Variants in KANSL1L observed in about 807,000 individuals in gnomAD.
KANSL1L encodes KAT8 regulatory NSL complex subunit 1-like protein.
Under a neutral mutation model 108.6 loss-of-function variants are expected in KANSL1L, and 25 were observed. That is an observed-to-expected ratio of 0.23 (90% CI 0.17 to 0.32). KANSL1L has a LOEUF of 0.32. KANSL1L is among the 10% of genes least tolerant of loss of function. KANSL1L has a pLI of 1.00. For synonymous variants in KANSL1L, 405 were observed against 395.1 expected, an observed-to-expected ratio of 1.03 and a Z score of -0.30; for missense variants, 1,137 against 1,125.7, an observed-to-expected ratio of 1.01 and a Z score of -0.14.
At chr2:210,098,044 C>A in intron 5 of KANSL1L, 42 bp downstream of exon 5, 4 of 1,520,352 alleles carry the variant, frequency 2.6e-6, no homozygotes, top group South Asian at 1.3e-5. Context: ...ATAAAATAGG[C>A]AAAGTTGAAT....
In KANSL1L at chr2:210,109,703, T is replaced by A. The variant is rs2094885737; in HGVS notation, c.1231-5402A>T. On this transcript the variant is annotated intron_variant, in intron 3 of 14. Coordinates refer to ENST00000281772, the MANE Select transcript of KANSL1L (RefSeq NM_152519.4). ...TGTATGGCTTAATTAGGCCCTAATT[T>A]GTGCTTCCTATTAAAGGGTTCTTTC... Among the ~76,000 whole-genome samples, 3 of 152,098 alleles carry A rather than the reference T, an allele frequency of 2.0e-5. No individual in the cohort carries two copies. The South Asian group carries it at 6.2e-4, about 32-fold the overall frequency.
chr2:210,067,599 A>C (rs1227673443), intron 6 of KANSL1L, among the ~76,000 whole-genome samples: 1 of 150,892 alleles, frequency 6.6e-6, no homozygotes, highest in African/African-American at 2.4e-5. Flanking sequence ...GCTACTCCGG[A>C]GGCTGAGGTG....
chr2:210,098,175 C>G lies in KANSL1L; in HGVS notation c.1461G>C (p.Leu487Phe), dbSNP rs866356128. The change falls in exon 5 of 15, where the codon TTG (leucine) becomes TTC (phenylalanine). Residue 487 changes from leucine to phenylalanine, a missense_variant. This residue lies in a region of KANSL1L where 575 missense variants were observed against 567.1 expected (regional missense o/e 1.01). Transcript: ENST00000281772. ...SAQLTEIINS[L>F]IAPLNLSPTS... ...TTGGGGACAAGTTGAGAGGGGCAAT[C>G]AAACTGTTGATGATCTCAGTCAACT... 4 of 1,612,342 alleles carry G rather than the reference C, an allele frequency of 2.5e-6. 1 individual carries two copies. In the Middle Eastern group the frequency reaches 6.6e-4, roughly 267 times the overall value.
chr2:210,063,720 A>G (rs992952231), intron 6 of KANSL1L: 1 of 151,732 alleles, frequency 6.6e-6, no homozygotes, highest in Admixed American at 6.6e-5. Flanking sequence ...GAATGGCCAT[A>G]TTTACCCAAT....
At chr2:210,142,182 T>G (rs1014052441) in intron 2 of KANSL1L, among the ~76,000 whole-genome samples, 1 of 151,998 alleles carries the variant, frequency 6.6e-6, no homozygotes, top group Admixed American at 6.6e-5. Flanking sequence ...TTAATCTCTT[T>G]ACTTGCTATT....
chr2:210,055,508 C>T (rs1279724783), intron 6 of KANSL1L, among the ~76,000 whole-genome samples: 1 of 152,156 alleles, frequency 6.6e-6, no homozygotes, highest in East Asian at 1.9e-4. Context: ...TTCCTAGAGG[C>T]TTGGAGGCTC....
chr2:210,027,317 T>G lies in KANSL1L; in HGVS notation c.2430A>C (p.Glu810Asp), dbSNP rs200071643. Residue 810 changes from glutamate to aspartate, a missense_variant, in exon 12 of 15, where the codon GAA becomes GAC. This residue lies in a region of KANSL1L where 575 missense variants were observed against 567.1 expected (regional missense o/e 1.01). Transcript: ENST00000281772. ...TTACCTCTTCTTTGCCTAAATTATA[T>G]TCATCCAAAGGCTGAAGAACAACCA... ...WRMVVLQPLD[E>D]YNLGKEEIED... 64 of 1,612,464 alleles carry G rather than the reference T, an allele frequency of 4.0e-5. No homozygotes were observed. In the East Asian group the frequency reaches 1.0e-3, roughly 26 times the overall value.
intron 4 of KANSL1L, among the ~76,000 whole-genome samples, chr2:210,100,687 A>G (rs985805299): frequency 8.5e-5 from 13 of 152,190 alleles, no homozygotes; most frequent in Admixed American, 2.0e-4. Flanking sequence ...CATCCAGGCT[A>G]GAGTGCAGTG....
At position 210,119,183 on chromosome 2, in the gene KANSL1L, G is replaced by A. The variant is rs201991692; in HGVS notation, c.1230+9848C>T. 2.2e-4 allele frequency among the ~76,000 whole-genome samples: 32 copies of A among 145,896 alleles called. No individual in the cohort carries two copies. The East Asian group carries it at 5.6e-3, about 26-fold the overall frequency. ...TGGTGACAGAGCGAGGCTCCGTCTC[G>A]AAAAAAAAGAAAAAAAAGAAAAAAA... On this transcript the variant is annotated intron_variant, in intron 3 of 14. Coordinates refer to ENST00000281772, the MANE Select transcript of KANSL1L (RefSeq NM_152519.4).
intron 5 of KANSL1L, among the ~76,000 whole-genome samples, chr2:210,077,224 C>A (rs549305172): frequency 2.6e-5 from 4 of 151,722 alleles, no homozygotes; most frequent in Admixed American, 2.6e-4. Flanking sequence ...CTGGCCAGAC[C>A]AATATAGAAA....
At chr2:210,034,931 G>A (rs749407919) in intron 8 of KANSL1L, among the ~76,000 whole-genome samples, 2 of 152,092 alleles carry the variant, frequency 1.3e-5, no homozygotes, top group African/African-American at 2.4e-5. Context: ...TGTTAACATC[G>A]TATCACATTT....
At chr2:210,133,151 A>G (rs552855855) in intron 2 of KANSL1L, among the ~76,000 whole-genome samples, 25 of 152,212 alleles carry the variant, frequency 1.6e-4, no homozygotes, top group Non-Finnish European at 3.1e-4. Flanking sequence ...GAGGATACCA[A>G]AATCTGCGGA....
At chr2:210,162,295 A>G (rs1274326722) in intron 1 of KANSL1L, among the ~76,000 whole-genome samples, 1 of 148,358 alleles carries the variant, frequency 6.7e-6, no homozygotes, top group East Asian at 2.0e-4. Flanking sequence ...GACAGAGTCA[A>G]CAATGCTTGA....
In KANSL1L at chr2:210,028,766, A is replaced by C. The variant is rs140238014; in HGVS notation, c.2396+79T>G. 847 of 1,067,298 alleles carry C rather than the reference A, an allele frequency of 7.9e-4. 7 individuals carry two copies. In the African/African-American group the frequency reaches 0.012, roughly 15 times the overall value. The allele number at this position is 1,067,298 out of a possible 1,614,324, so 66.1% of individuals were successfully genotyped here. On this transcript the variant is annotated intron_variant, in intron 11 of 14. Coordinates refer to ENST00000281772, the MANE Select transcript of KANSL1L (RefSeq NM_152519.4). ...CTGGGAGAAGGATGCTCCTTTCATT[A>C]ATTAAAATTCTTCACTTTGAAAATT...
At chr2:210,058,197 C>T (rs539880861) in intron 6 of KANSL1L, among the ~76,000 whole-genome samples, 54 of 152,192 alleles carry the variant, frequency 3.5e-4, no homozygotes, top group Non-Finnish European at 6.5e-4. Flanking sequence ...ATGGCCGCTT[C>T]AGGGGGCGGC....
chr2:210,033,828 G>A (rs1360697341), intron 8 of KANSL1L, among the ~76,000 whole-genome samples: 3 of 151,694 alleles, frequency 2.0e-5, no homozygotes, highest in African/African-American at 4.8e-5. Context: ...GTGAGCCACC[G>A]CGCCCGGCCA....
At chr2:210,076,751 G>A (rs563148575) in intron 5 of KANSL1L, among the ~76,000 whole-genome samples, 11 of 151,342 alleles carry the variant, frequency 7.3e-5, no homozygotes, top group East Asian at 3.9e-4. Flanking sequence ...GATAACCCTC[G>A]TTGCCACATA....
At chr2:210,054,979 A>C (rs1168420671) in intron 6 of KANSL1L, among the ~76,000 whole-genome samples, 1 of 152,186 alleles carries the variant, frequency 6.6e-6, no homozygotes, top group African/African-American at 2.4e-5. Context: ...CATAAAAATC[A>C]GTTGTGTTTC....
intron 3 of KANSL1L, among the ~76,000 whole-genome samples, chr2:210,126,773 G>A (rs555303379): frequency 5.8e-4 from 88 of 152,294 alleles, no homozygotes; most frequent in Admixed American, 2.4e-3. Flanking sequence ...AGCTGATATC[G>A]TGCCATTGCA....
Sources: gnomAD v4.1 joint callset for allele counts (sites outside exome capture counted in the v4.1 genomes callset) on GRCh38, gnomAD v4.1.1 for gene constraint, gnomAD v4.1.1 regional missense constraint, MANE v1.5 for transcripts, NCBI Gene and HGNC (gene_info 2026-07-23, HGNC 2026-07-21) for gene names.